Variants in TAF3 observed in about 807,000 individuals in gnomAD.
TAF3 encodes the protein TATA-box binding protein associated factor 3.
TAF3 carries 7 observed loss-of-function variants against 80.6 expected under a neutral mutation model. The ratio of observed to expected loss-of-function variants is 0.09; its 90% CI spans 0.05 to 0.16. The LOEUF (loss-of-function observed/expected upper bound fraction) is 0.16, where lower values mean the gene tolerates loss of function less well. TAF3 is among the 10% of genes least tolerant of loss of function. TAF3 has a pLI of 1.00. For synonymous variants in TAF3, 444 were observed against 446.1 expected (o/e 1.00, Z 0.06); for missense variants, 921 against 1,140.2 (o/e 0.81, Z 2.77).
intron 5 of TAF3, among the ~76,000 whole-genome samples, chr10:8,010,145 A>T (rs1403643763): frequency 2.0e-5 from 3 of 152,156 alleles, no homozygotes; most frequent in Admixed American, 2.0e-4. Context: ...GAGCTCCAGC[A>T]ATCCACCCAT....
At chr10:8,010,765 C>G (rs1467371083) in intron 5 of TAF3, among the ~76,000 whole-genome samples, 1 of 152,176 alleles carries the variant, frequency 6.6e-6, no homozygotes. Flanking sequence ...ACAAAATTAG[C>G]TGGGCATGGT....
intron 2 of TAF3, among the ~76,000 whole-genome samples, chr10:7,860,343 T>C (rs536397756): frequency 6.6e-6 from 1 of 152,022 alleles, no homozygotes; most frequent in East Asian, 1.9e-4. Flanking sequence ...TGAAAATTAG[T>C]TTTTATAAAT....
At chr10:7,847,741 G>C (rs1358936088) in intron 2 of TAF3, among the ~76,000 whole-genome samples, 12 of 149,998 alleles carry the variant, frequency 8.0e-5, no homozygotes, top group Non-Finnish European at 5.9e-5. Context: ...TACCATGCCT[G>C]GTATGTTTAG....
intron 2 of TAF3, among the ~76,000 whole-genome samples, chr10:7,840,470 A>G (rs1836900985): frequency 6.6e-6 from 1 of 151,262 alleles, no homozygotes; most frequent in Non-Finnish European, 1.5e-5. Context: ...GAGTGTTTTG[A>G]TATTTACTAT....
At chr10:7,859,681 G>A (rs916305044) in intron 2 of TAF3, among the ~76,000 whole-genome samples, 13 of 152,148 alleles carry the variant, frequency 8.5e-5, no homozygotes, top group East Asian at 3.8e-4. Context: ...CCACTTTTCC[G>A]CCGGGGCATT....
intron 1 of TAF3, among the ~76,000 whole-genome samples, chr10:7,823,660 A>T (rs1161255682): frequency 1.5e-5 from 2 of 132,178 alleles, no homozygotes. Flanking sequence ...TCTGAGATGG[A>T]GTCTTGCTCT....
At chr10:7,962,459 A>C (rs1312262480) in intron 2 of TAF3, among the ~76,000 whole-genome samples, 1 of 152,222 alleles carries the variant, frequency 6.6e-6, no homozygotes. Flanking sequence ...CCAAACTACC[A>C]GTAGAATAAA....
chr10:7,837,717 C>G (rs979150258), intron 2 of TAF3, among the ~76,000 whole-genome samples: 1 of 152,058 alleles, frequency 6.6e-6, no homozygotes, highest in African/African-American at 2.4e-5. Context: ...TGTAAGTACT[C>G]AGAGGCTGAG....
chr10:7,886,719 G>A (rs909696070), intron 2 of TAF3, among the ~76,000 whole-genome samples: 4 of 152,104 alleles, frequency 2.6e-5, no homozygotes, highest in Non-Finnish European at 2.9e-5. Context: ...CTCCTAATAC[G>A]CATTTTAACC....
intron 2 of TAF3, among the ~76,000 whole-genome samples, chr10:7,884,408 TGGA>T (rs1564356004): frequency 1.4e-4 from 21 of 147,636 alleles, no homozygotes; most frequent in South Asian, 2.2e-4. Context: ...TTTTTTGAGA[TGGA>T]GTTTTGCTTT....
At chr10:7,997,699 C>T (rs1831902629) in intron 4 of TAF3, among the ~76,000 whole-genome samples, 1 of 152,188 alleles carries the variant, frequency 6.6e-6, no homozygotes. Context: ...GTGGGACCAG[C>T]TGTGGGCGGT....
chr10:7,854,320 C>T (rs1401397473), intron 2 of TAF3, among the ~76,000 whole-genome samples: 1 of 152,192 alleles, frequency 6.6e-6, no homozygotes, highest in Non-Finnish European at 1.5e-5. Flanking sequence ...GCAATAGCAG[C>T]CCCCAAACTG....
At chr10:7,827,054 T>C (rs971653070) in intron 2 of TAF3, among the ~76,000 whole-genome samples, 2 of 152,170 alleles carry the variant, frequency 1.3e-5, no homozygotes, top group African/African-American at 2.4e-5. Flanking sequence ...TTCCCTCTTA[T>C]CAGCCACTCA....
intron 2 of TAF3, among the ~76,000 whole-genome samples, chr10:7,859,804 T>C (rs1182173503): frequency 2.0e-5 from 3 of 152,208 alleles, no homozygotes; most frequent in Admixed American, 2.0e-4. Context: ...CTAGCACTTA[T>C]AATGGTGTAC....
chr10:7,990,684 T>C (rs1026792182), intron 4 of TAF3, among the ~76,000 whole-genome samples: 1 of 152,218 alleles, frequency 6.6e-6, no homozygotes, highest in African/African-American at 2.4e-5. Context: ...TTGTGCTCCC[T>C]TTACATCTAA....
At position 7,913,667 on chromosome 10, in the gene TAF3, A is replaced by G. The variant is rs913097053; in HGVS notation, c.410-50253A>G. Among the ~76,000 whole-genome samples, 6 of 152,260 alleles carry G rather than the reference A, an allele frequency of 3.9e-5. No individual in the cohort carries two copies. The East Asian group carries it at 9.7e-4, about 25-fold the overall frequency. On this transcript the variant is annotated intron_variant, in intron 2 of 6. Transcript: ENST00000344293. ...AGTCATGCAATGTGGTCGCTGTGCC[A>G]GGGACACTCTTCTGTCCTCTGCTTA...
intron 2 of TAF3, among the ~76,000 whole-genome samples, chr10:7,843,384 C>T (rs890301636): frequency 6.6e-6 from 1 of 151,892 alleles, no homozygotes; most frequent in African/African-American, 2.4e-5. Flanking sequence ...GGTGGAATAA[C>T]AGGCATGAGC....
chr10:7,957,497 T>TA (rs1157836870), intron 2 of TAF3, among the ~76,000 whole-genome samples: 2 of 152,228 alleles, frequency 1.3e-5, no homozygotes, highest in East Asian at 1.9e-4. Flanking sequence ...TTTGAATACT[T>TA]ACCTTTAGTA....
At chr10:7,928,539 G>T (rs1837837593) in intron 2 of TAF3, among the ~76,000 whole-genome samples, 1 of 152,116 alleles carries the variant, frequency 6.6e-6, no homozygotes, top group African/African-American at 2.4e-5. Flanking sequence ...TTGACTCAAG[G>T]GTGTCATTAT....
Sources: gnomAD v4.1 joint callset for allele counts (sites outside exome capture counted in the v4.1 genomes callset) on GRCh38, gnomAD v4.1.1 for gene constraint, MANE v1.5 for transcripts, NCBI Gene and HGNC (gene_info 2026-07-23, HGNC 2026-07-21) for gene names.